TAFA5: variants seen among roughly 807,000 people sequenced by gnomAD.
The protein encoded by TAFA5 is TAFA chemokine like family member 5.
TAFA5 carries 6 observed loss-of-function variants against 15.3 expected under a neutral mutation model. That is an observed-to-expected ratio of 0.39 (90% CI 0.21 to 0.77). TAFA5 has a LOEUF of 0.77. TAFA5 is among the 30% of genes least tolerant of loss of function. The pLI is 0.41. For synonymous variants in TAFA5, 103 were observed against 80.7 expected, an observed-to-expected ratio of 1.28 and a Z score of -1.48; for missense variants, 161 against 193.1, an observed-to-expected ratio of 0.83 and a Z score of 0.98.
Position 48,489,798 on chromosome 22 carries a change from C to T in TAFA5, c.112+94C>T, listed in dbSNP as rs1439136769. The stretch of plus-strand genomic sequence containing the variant: ...AGGCGCCCCGCGGGCCTCCCGGAGT[C>T]GGCGCGGAGTTACGAGCGCCGGGCG... On this transcript the variant is annotated intron_variant, in intron 1 of 3. Transcript: ENST00000402357. This position sits in a 1 kb window ranked among gnomAD's most constrained non-coding sequence, Gnocchi z 5.5. 21 of 716,650 alleles carry T rather than the reference C, an allele frequency of 2.9e-5. No homozygotes were observed. Among genetic ancestry groups the T allele is most frequent in the Non-Finnish European group, 4.0e-5 (20 of 501,684 alleles). 44.4% of individuals were successfully genotyped at this position (716,650 alleles called of 1,614,324 possible). A position where few individuals can be genotyped will look rare whatever the true frequency, so the allele number is the denominator to read the frequency against.
Position 48,639,906 on chromosome 22 carries a change from C to T in TAFA5, c.113-6691C>T, listed in dbSNP as rs543963960. On this transcript the variant is annotated intron_variant, in intron 1 of 3. Coordinates refer to ENST00000402357, the MANE Select transcript of TAFA5 (RefSeq NM_001082967.3). ...GCCGGATGCTTTCTCCATTGCTCTC[C>T]CCCTCATCCACAGGCCCCAAATCGT... Among the ~76,000 whole-genome samples, 190 of 152,276 alleles carry T rather than the reference C, an allele frequency of 1.2e-3. 3 individuals carry two copies. In the East Asian group the frequency reaches 0.032, roughly 25 times the overall value.
chr22:48,709,946 A>G (rs1569089383), intron 3 of TAFA5, among the ~76,000 whole-genome samples: 1 of 152,176 alleles, frequency 6.6e-6, no homozygotes, highest in Non-Finnish European at 1.5e-5. Context: ...GGTTTTTGGT[A>G]ATTTATTGGG....
At position 48,662,152 on chromosome 22, in the gene TAFA5, G is replaced by A. The variant is rs1333875771; in HGVS notation, c.262+15406G>A. 3.3e-5 allele frequency among the ~76,000 whole-genome samples: 5 copies of A among 152,230 alleles called. No homozygotes were observed. The East Asian group carries it at 5.8e-4, about 18-fold the overall frequency. On this transcript the variant is annotated intron_variant, in intron 2 of 3. Transcript: ENST00000402357. ...CCAGGTGGACGTGGGGCTGGGGCTC[G>A]GCCTGGGTGGTGAGGATGTGCCTGG... is the stretch of plus-strand genomic sequence containing the variant.
chr22:48,654,961 C>T (rs8135819), intron 2 of TAFA5, among the ~76,000 whole-genome samples: 25,553 of 152,126 alleles, frequency 0.17, 2,681 homozygotes, highest in Non-Finnish European at 0.23. Context: ...ATGGGGTCTG[C>T]GGGCCCAGAG....
chr22:48,575,134 C>G (rs902042970), intron 1 of TAFA5, among the ~76,000 whole-genome samples: 1 of 152,146 alleles, frequency 6.6e-6, no homozygotes, highest in Non-Finnish European at 1.5e-5. Flanking sequence ...CCTGGGGTTT[C>G]CCTGTCTCTC....
intron 2 of TAFA5, among the ~76,000 whole-genome samples, chr22:48,657,618 C>T (rs566595334): frequency 2.0e-5 from 3 of 152,300 alleles, no homozygotes; most frequent in Non-Finnish European, 2.9e-5. Context: ...CTTTGGGTTT[C>T]GTGCATTCCC....
At chr22:48,735,327 G>A (rs1929978912) in intron 3 of TAFA5, among the ~76,000 whole-genome samples, 2 of 152,194 alleles carry the variant, frequency 1.3e-5, no homozygotes, top group African/African-American at 4.8e-5. Flanking sequence ...ACAGCGTGGG[G>A]AGCAGGAGGT....
chr22:48,732,253 T>TTGTTC (rs1929887984), intron 3 of TAFA5, among the ~76,000 whole-genome samples: 1 of 80,252 alleles, frequency 1.2e-5, no homozygotes, highest in African/African-American at 4.7e-5. Flanking sequence ...GGTTTTTTTG[T>TTGTTC]TGTTTTGTTT....
At chr22:48,650,857 G>T (rs2147205673) in intron 2 of TAFA5, among the ~76,000 whole-genome samples, 1 of 152,242 alleles carries the variant, frequency 6.6e-6, no homozygotes, top group Non-Finnish European at 1.5e-5. Context: ...TGATGCCCTG[G>T]CGGGCTGGCC....
intron 1 of TAFA5, among the ~76,000 whole-genome samples, chr22:48,644,584 C>T (rs898219021): frequency 1.3e-5 from 2 of 152,200 alleles, no homozygotes; most frequent in Non-Finnish European, 2.9e-5. Flanking sequence ...GAGAGCTGGG[C>T]GGCCTCTCCA....
chr22:48,632,221 G>T (rs1569056000), intron 1 of TAFA5, among the ~76,000 whole-genome samples: 2 of 152,184 alleles, frequency 1.3e-5, no homozygotes, highest in African/African-American at 2.4e-5. Context: ...CACGGGCCCT[G>T]CCTGCCTCCC....
rs569747187 is a variant in TAFA5, at chr22:48,511,361, TTCCTCCTCC to T, written c.112+21672_112+21680del. 1.7e-4 allele frequency among the ~76,000 whole-genome samples: 26 copies of T among 151,800 alleles called. No individual in the cohort carries two copies. The East Asian group carries it at 4.9e-3, about 28-fold the overall frequency. On this transcript the variant is annotated intron_variant, in intron 1 of 3. Coordinates refer to ENST00000402357, the MANE Select transcript of TAFA5 (RefSeq NM_001082967.3). ...TCAGGTGGCTGACGCTTCCCAGAGC[TTCCTCCTCC>T]TCCTCCTCCTCCTCACTGTCTCCTG...
At position 48,706,944 on chromosome 22, in the gene TAFA5, C is replaced by T. The variant is rs533349992; in HGVS notation, c.263-773C>T. Among the ~76,000 whole-genome samples the T allele has an allele frequency of 2.0e-5, 3 of 152,322 alleles. No individual in the cohort carries two copies. In the East Asian group the frequency reaches 5.8e-4, roughly 29 times the overall value. ...ACAGCCACAAAATAGGGTGGGCCTC[C>T]AGGGAAGAGAGAAAATGCAATTCTC... is the stretch of plus-strand genomic sequence containing the variant. On this transcript the variant is annotated intron_variant, in intron 2 of 3. Transcript: ENST00000402357.
chr22:48,701,355 C>T (rs1217539151), intron 2 of TAFA5, among the ~76,000 whole-genome samples: 1 of 152,180 alleles, frequency 6.6e-6, no homozygotes, highest in Non-Finnish European at 1.5e-5. Context: ...GGGCTCTCCT[C>T]TAAGGCACTG....
chr22:48,625,748 T>C (rs1435013575), intron 1 of TAFA5, among the ~76,000 whole-genome samples: 1 of 152,236 alleles, frequency 6.6e-6, no homozygotes, highest in Non-Finnish European at 1.5e-5. Context: ...TTTAGTGGAA[T>C]TGTGGGGGTT....
rs1037038234 is a variant in TAFA5, at chr22:48,552,497, G to A, written c.112+62793G>A. On this transcript the variant is annotated intron_variant, in intron 1 of 3. Coordinates refer to ENST00000402357, the MANE Select transcript of TAFA5 (RefSeq NM_001082967.3). The surrounding 1 kb of genome is among the most constrained non-coding windows in gnomAD (Gnocchi z 4.1). ...CCTCTCTCGGGGTCCTGCAGGCCAC[G>A]AGGTGGGCAGCCTGCTCTCCTTGGG... 1.3e-5 allele frequency among the ~76,000 whole-genome samples: 2 copies of A among 152,238 alleles called. No homozygotes were observed. The highest frequency in any genetic ancestry group is 6.5e-5 in the Admixed American group (1 of 15,294).
chr22:48,515,361 C>G (rs1306943281), intron 1 of TAFA5, among the ~76,000 whole-genome samples: 1 of 152,344 alleles, frequency 6.6e-6, no homozygotes, highest in East Asian at 1.9e-4. Flanking sequence ...TGCAGGCAGG[C>G]GGATCACCTG....
At chr22:48,624,843 T>A (rs1925972752) in intron 1 of TAFA5, among the ~76,000 whole-genome samples, 1 of 152,180 alleles carries the variant, frequency 6.6e-6, no homozygotes. Flanking sequence ...CTCACGCCTG[T>A]CATCGCAGCA....
chr22:48,751,021 G>C lies in TAFA5; in HGVS notation c.*1174G>C, dbSNP rs371795132. 1 of 152,338 alleles carries C rather than the reference G, an allele frequency of 6.6e-6. No homozygotes were observed. Among genetic ancestry groups the C allele is most frequent in the Admixed American group, 6.5e-5 (1 of 15,290 alleles). 9.4% of individuals were successfully genotyped at this position (152,338 alleles called of 1,614,324 possible). On this transcript the variant is annotated 3_prime_UTR_variant, in exon 4 of 4. Coordinates refer to ENST00000402357, the MANE Select transcript of TAFA5 (RefSeq NM_001082967.3). Reference sequence around the variant, plus strand: ...CACGGAAGGCGGGACTCTGGGAGAAGCGTGCGGAGGACCGTGGCGTCGGCG... The same window carrying C: ...CACGGAAGGCGGGACTCTGGGAGAACCGTGCGGAGGACCGTGGCGTCGGCG...
Sources: gnomAD v4.1 joint callset for allele counts (sites outside exome capture counted in the v4.1 genomes callset) on GRCh38, gnomAD v4.1.1 for gene constraint, Gnocchi (gnomAD v3.1) non-coding constraint, MANE v1.5 for transcripts, NCBI Gene and HGNC (gene_info 2026-07-23, HGNC 2026-07-21) for gene names.